RAPGEF4: variants seen among roughly 807,000 people sequenced by gnomAD.
RAPGEF4 encodes RAP guanine-nucleotide-exchange factor (GEF) 4.
A neutral mutation model predicts 147.9 loss-of-function variants in RAPGEF4; 66 were observed. The ratio of observed to expected loss-of-function variants is 0.45; its 90% CI spans 0.37 to 0.55. The LOEUF (loss-of-function observed/expected upper bound fraction) is 0.55, where lower values mean the gene tolerates loss of function less well. RAPGEF4 is among the 20% of genes least tolerant of loss of function. The pLI is 0.00. For missense variants in RAPGEF4, 1,071 were observed against 1,257.3 expected (o/e 0.85, Z 2.24); for synonymous variants, 419 against 442.7 (o/e 0.95, Z 0.67).
intron 4 of RAPGEF4, among the ~76,000 whole-genome samples, chr2:172,884,746 C>A (rs1232135411): frequency 6.6e-6 from 1 of 152,188 alleles, no homozygotes; most frequent in African/African-American, 2.4e-5. Flanking sequence ...ATATTTTGAA[C>A]ATGGTCCCTG....
Position 172,833,576 on chromosome 2 carries a change from T to G in RAPGEF4, c.444+19151T>G, listed in dbSNP as rs1490424122. On this transcript the variant is annotated intron_variant, in intron 4 of 30. Transcript: ENST00000397081. Reference sequence around the variant, plus strand: ...TATTTCTTGGCAGTTGTACTGTTTTTGGTCTGTGAATGGCTGGTTCACATC... The same window carrying G: ...TATTTCTTGGCAGTTGTACTGTTTTGGGTCTGTGAATGGCTGGTTCACATC... 3.3e-5 allele frequency among the ~76,000 whole-genome samples: 5 copies of G among 152,344 alleles called. No homozygotes were observed. In the South Asian group the frequency reaches 1.0e-3, roughly 32 times the overall value.
At chr2:173,025,960 C>CTAG (rs1477074572) in intron 23 of RAPGEF4, among the ~76,000 whole-genome samples, 1 of 152,224 alleles carries the variant, frequency 6.6e-6, no homozygotes, top group Non-Finnish European at 1.5e-5. Context: ...TTTCTAATGT[C>CTAG]TAGCCCAAAA....
At chr2:172,874,032 A>G (rs1367383985) in intron 4 of RAPGEF4, among the ~76,000 whole-genome samples, 1 of 152,234 alleles carries the variant, frequency 6.6e-6, no homozygotes, top group Non-Finnish European at 1.5e-5. Flanking sequence ...GGCAATCATT[A>G]GAAAGTCAGG....
chr2:173,036,939 T>G (rs1343371454), intron 29 of RAPGEF4: 5 of 398,784 alleles, frequency 1.3e-5, no homozygotes, highest in Non-Finnish European at 2.2e-5. Context: ...TGTTTCTTCC[T>G]TGGCAGCCTG....
At chr2:172,861,330 A>G (rs2149777943) in intron 4 of RAPGEF4, among the ~76,000 whole-genome samples, 1 of 152,392 alleles carries the variant, frequency 6.6e-6, no homozygotes, top group Non-Finnish European at 1.5e-5. Context: ...GTGTAACTGA[A>G]TGAAATTAGT....
At chr2:172,907,754 G>A (rs937151909) in intron 4 of RAPGEF4, among the ~76,000 whole-genome samples, 9 of 152,176 alleles carry the variant, frequency 5.9e-5, no homozygotes, top group African/African-American at 1.2e-4. Flanking sequence ...AGACTATCTG[G>A]TTGGAAAATA....
At chr2:172,919,864 ACTC>A (rs1346845858) in intron 5 of RAPGEF4, among the ~76,000 whole-genome samples, 2 of 150,586 alleles carry the variant, frequency 1.3e-5, no homozygotes, top group Admixed American at 6.6e-5. Context: ...GCCATTTTGG[ACTC>A]CTCCTTTCTC....
intron 6 of RAPGEF4, 36 bp downstream of exon 6, chr2:172,922,336 T>C (rs769488871): frequency 1.3e-6 from 2 of 1,577,912 alleles, no homozygotes; most frequent in Admixed American, 3.3e-5. Flanking sequence ...CTTCTAAAAA[T>C]TGTTATAAGG....
At chr2:172,860,505 A>C (rs1693907551) in intron 4 of RAPGEF4, among the ~76,000 whole-genome samples, 1 of 152,120 alleles carries the variant, frequency 6.6e-6, no homozygotes, top group South Asian at 2.1e-4. Context: ...AGAAATGTAA[A>C]AAAAAGTAAT....
chr2:172,925,073 C>A (rs578063301), intron 6 of RAPGEF4, among the ~76,000 whole-genome samples: 1 of 152,332 alleles, frequency 6.6e-6, no homozygotes, highest in Admixed American at 6.5e-5. Flanking sequence ...CTCCGCCTCC[C>A]GGCTCACGCC....
In RAPGEF4 at chr2:173,017,207, A is replaced by G. The variant is rs1695585311; in HGVS notation, c.1929+3A>G. On this transcript the variant is annotated splice_donor_region_variant and intron_variant, in intron 20 of 30. Transcript: ENST00000397081. ...ATGCAAAGGCACCACAAAAGAAGGT[A>G]GGTGGCATGAACTTGCATTCTCTGT... 7.4e-6 allele frequency: 12 copies of G among 1,612,798 alleles called. No homozygotes were observed. The highest frequency in any genetic ancestry group is 9.3e-6 in the Non-Finnish European group (11 of 1,178,826).
chr2:172,789,385 TA>T (rs1411577990), intron 1 of RAPGEF4, among the ~76,000 whole-genome samples: 2 of 152,190 alleles, frequency 1.3e-5, no homozygotes, highest in Non-Finnish European at 2.9e-5. Context: ...GTGTGGGTCA[TA>T]GGGGGCCACT....
chr2:173,035,240 G>A (rs948395063), intron 27 of RAPGEF4, among the ~76,000 whole-genome samples: 3 of 151,704 alleles, frequency 2.0e-5, no homozygotes, highest in African/African-American at 4.8e-5. Flanking sequence ...CAGGCACGGT[G>A]GCTCACACCT....
At chr2:172,746,706 G>A (rs1009292967) in intron 1 of RAPGEF4, among the ~76,000 whole-genome samples, 7 of 151,690 alleles carry the variant, frequency 4.6e-5, no homozygotes, top group African/African-American at 1.2e-4. Context: ...TCCGCCTCCC[G>A]GGTTCAAGCA....
rs868496849 is a variant in RAPGEF4, at chr2:172,771,764, T to C, written c.66-23261T>C. Among the ~76,000 whole-genome samples, 55 of 152,264 alleles carry C rather than the reference T, an allele frequency of 3.6e-4. 2 individuals carry two copies. The highest frequency in any genetic ancestry group is 1.9e-3 in the South Asian group (9 of 4,818). ...CTGGCTTTAAAATTATTTTTAATGTTATATTAGAAATGTTTATGTGCATCT... is the reference window on the plus strand; with the variant it reads ...CTGGCTTTAAAATTATTTTTAATGTCATATTAGAAATGTTTATGTGCATCT... On this transcript the variant is annotated intron_variant, in intron 1 of 30. Coordinates refer to ENST00000397081, the MANE Select transcript of RAPGEF4 (RefSeq NM_007023.4).
chr2:172,897,074 G>T (rs578245669), intron 4 of RAPGEF4, among the ~76,000 whole-genome samples: 13 of 152,198 alleles, frequency 8.5e-5, no homozygotes, highest in Non-Finnish European at 1.9e-4. Flanking sequence ...ATCTTTTTCT[G>T]ATCCCTCCCT....
In RAPGEF4 at chr2:173,033,945, C is replaced by A. The variant is rs368215776; in HGVS notation, c.2681C>A (p.Ala894Glu). 2.5e-6 allele frequency: 4 copies of A among 1,612,516 alleles called. No homozygotes were observed. Among genetic ancestry groups the A allele is most frequent in the Non-Finnish European group, 1.7e-6 (2 of 1,179,594 alleles). Residue 894 changes from alanine to glutamate, a missense_variant, in exon 27 of 31, where the codon GCG becomes GAG. Ala to Glu is a moderately radical substitution (Grantham distance 107). Coordinates refer to ENST00000397081, the MANE Select transcript of RAPGEF4 (RefSeq NM_007023.4). ...KLPSKFKKFY[A>E]EFESLMDPSR... is the part of the protein sequence containing the mutation. ...CCAAGCAAGTTCAAGAAGTTCTATG[C>A]GGAGTTTGAAAGTTTAATGGTAAGT...
At chr2:172,956,859 T>C (rs1441358017) in intron 6 of RAPGEF4, among the ~76,000 whole-genome samples, 1 of 152,208 alleles carries the variant, frequency 6.6e-6, no homozygotes. Context: ...GAATATTTAT[T>C]GCTGGAAATT....
chr2:172,753,228 A>T (rs1695453841), intron 1 of RAPGEF4, among the ~76,000 whole-genome samples: 4 of 152,186 alleles, frequency 2.6e-5, no homozygotes, highest in Admixed American at 2.6e-4. Context: ...AAATAATTTT[A>T]AAATGTATAT....
Sources: gnomAD v4.1 joint callset for allele counts (sites outside exome capture counted in the v4.1 genomes callset) on GRCh38, gnomAD v4.1.1 for gene constraint, MANE v1.5 for transcripts, NCBI Gene and HGNC (gene_info 2026-07-23, HGNC 2026-07-21) for gene names.